Variants in CTNNA3 observed in about 807,000 individuals in gnomAD.
CTNNA3 encodes the protein catenin alpha 3.
A neutral mutation model predicts 95.7 loss-of-function variants in CTNNA3; 76 were observed. The ratio of observed to expected loss-of-function variants is 0.79; its 90% CI spans 0.66 to 0.96. The LOEUF is 0.96. CTNNA3 is among the 40% of genes least tolerant of loss of function. The probability of loss-of-function intolerance (pLI) is 0.00; values close to 1 mark genes in which losing one functional copy is unlikely to be tolerated. For synonymous variants in CTNNA3, 431 were observed against 374.4 expected (o/e 1.15, Z -1.74); for missense variants, 1,191 against 1,089.8 (o/e 1.09, Z -1.31).
intron 10 of CTNNA3, among the ~76,000 whole-genome samples, chr10:66,537,277 A>C (rs1016544684): frequency 8.5e-5 from 13 of 152,170 alleles, no homozygotes; most frequent in Non-Finnish European, 1.8e-4. Flanking sequence ...TCAGGATTGC[A>C]ATTACAGTCA....
intron 5 of CTNNA3, among the ~76,000 whole-genome samples, chr10:67,355,616 A>G (rs1425899938): frequency 6.7e-6 from 1 of 150,326 alleles, no homozygotes; most frequent in Non-Finnish European, 1.5e-5. Context: ...GCCTGACAAG[A>G]AGTCAAGCAA....
Position 67,306,416 on chromosome 10 carries a change from T to C in CTNNA3, c.580-86546A>G, listed in dbSNP as rs940462798. 1.1e-4 allele frequency among the ~76,000 whole-genome samples: 17 copies of C among 152,234 alleles called. No individual in the cohort carries two copies. In the South Asian group the frequency reaches 3.5e-3, roughly 32 times the overall value. ...CAATAAAGTTATGCAAGTTGCAAGATAGGTGATTGAAGAAGAGCTCTTTAT... is the reference window on the plus strand; with the variant it reads ...CAATAAAGTTATGCAAGTTGCAAGACAGGTGATTGAAGAAGAGCTCTTTAT... On this transcript the variant is annotated intron_variant, in intron 5 of 17. Transcript: ENST00000433211.
rs752574565 is a variant in CTNNA3 at position 66,280,526 on chromosome 10, A to C, written c.1828T>G (p.Ser610Ala). 1.2e-6 allele frequency: 2 copies of C among 1,609,938 alleles called. No homozygotes were observed. The highest frequency in any genetic ancestry group is 1.7e-6 in the Non-Finnish European group (2 of 1,177,972). The change falls in exon 13 of 18, where the codon TCA (serine) becomes GCA (alanine). Residue 610 changes from serine to alanine, a missense_variant. Physicochemically the swap from Ser to Ala is moderately conservative, Grantham distance 99. Coordinates refer to ENST00000433211, the MANE Select transcript of CTNNA3 (RefSeq NM_013266.4). The part of the protein sequence containing the change: ...VLDDNQFVDI[S>A]KKIYDTIHDI... ...TGAATTGTATCATAGATCTTCTTTG[A>C]GATGTCCACAAATTGATTATCATCC...
At chr10:66,227,418 C>T (rs75977657) in intron 13 of CTNNA3, among the ~76,000 whole-genome samples, 9,275 of 147,612 alleles carry the variant, frequency 0.063, 381 homozygotes, top group Non-Finnish European at 0.097. Flanking sequence ...TTATCAAATG[C>T]TTTTTCTGCC....
intron 10 of CTNNA3, among the ~76,000 whole-genome samples, chr10:66,609,125 T>C (rs1287524365): frequency 6.6e-6 from 1 of 151,794 alleles, no homozygotes; most frequent in Non-Finnish European, 1.5e-5. Context: ...AGTGGTGTGA[T>C]CTCAGCTCAC....
intron 13 of CTNNA3, among the ~76,000 whole-genome samples, chr10:66,272,355 G>A (rs1329134949): frequency 6.6e-6 from 1 of 152,030 alleles, no homozygotes; most frequent in Admixed American, 6.6e-5. Context: ...AAGCTATGAA[G>A]TCTTTGTACA....
chr10:67,208,505 A>C (rs1864005566), intron 6 of CTNNA3, among the ~76,000 whole-genome samples: 1 of 152,140 alleles, frequency 6.6e-6, no homozygotes. Flanking sequence ...CTAACATCAA[A>C]ATCAGTGACC....
chr10:66,337,894 T>C (rs2092413452), intron 12 of CTNNA3, among the ~76,000 whole-genome samples: 1 of 152,012 alleles, frequency 6.6e-6, no homozygotes, highest in African/African-American at 2.4e-5. Flanking sequence ...AGCAATTTCA[T>C]TCCTAGGTAT....
intron 13 of CTNNA3, among the ~76,000 whole-genome samples, chr10:66,125,654 G>A (rs1005590412): frequency 4.6e-5 from 7 of 152,180 alleles, no homozygotes; most frequent in African/African-American, 1.7e-4. Context: ...TTAGAATGGA[G>A]TATTCTTCAT....
intron 13 of CTNNA3, among the ~76,000 whole-genome samples, chr10:66,212,331 T>C (rs147584761): frequency 3.3e-4 from 51 of 152,288 alleles, no homozygotes; most frequent in African/African-American, 1.2e-3. Flanking sequence ...ATAATACTTA[T>C]AGTAATCTGT....
intron 17 of CTNNA3, among the ~76,000 whole-genome samples, chr10:65,935,796 C>T (rs1472374389): frequency 6.6e-6 from 1 of 152,068 alleles, no homozygotes; most frequent in East Asian, 1.9e-4. Context: ...AACATGCATT[C>T]TAGCTTATGG....
At chr10:66,447,329 A>C (rs1318558801) in intron 11 of CTNNA3, among the ~76,000 whole-genome samples, 2 of 151,106 alleles carry the variant, frequency 1.3e-5, no homozygotes, top group Admixed American at 1.3e-4. Context: ...AACTACTTTA[A>C]AGGTCATATG....
chr10:67,151,643 T>A (rs1014251664), intron 7 of CTNNA3, among the ~76,000 whole-genome samples: 16 of 152,180 alleles, frequency 1.1e-4, no homozygotes, highest in Admixed American at 3.3e-4. Flanking sequence ...AAGGTTTCTG[T>A]AAATCACCAT....
intron 7 of CTNNA3, among the ~76,000 whole-genome samples, chr10:67,088,140 G>C (rs970485714): frequency 1.1e-4 from 16 of 151,424 alleles, no homozygotes; most frequent in Non-Finnish European, 2.1e-4. Flanking sequence ...ATGCCAAATG[G>C]GGAGATAAGA....
chr10:67,253,067 T>C (rs1589089868), intron 5 of CTNNA3, among the ~76,000 whole-genome samples: 1 of 152,318 alleles, frequency 6.6e-6, no homozygotes, highest in East Asian at 1.9e-4. Flanking sequence ...GGAATAACTT[T>C]ATGGGTTCTC....
chr10:66,573,635 C>A (rs1842930519), intron 10 of CTNNA3, among the ~76,000 whole-genome samples: 1 of 152,062 alleles, frequency 6.6e-6, no homozygotes, highest in Non-Finnish European at 1.5e-5. Flanking sequence ...CAATTTTCAG[C>A]AAGATGAATA....
chr10:67,305,806 G>T (rs766097967), intron 5 of CTNNA3, among the ~76,000 whole-genome samples: 4 of 152,158 alleles, frequency 2.6e-5, no homozygotes, highest in Non-Finnish European at 5.9e-5. Flanking sequence ...AGCTAGAAGA[G>T]ATATCAGTGG....
chr10:66,187,167 C>T (rs2086390519), intron 13 of CTNNA3, among the ~76,000 whole-genome samples: 1 of 152,032 alleles, frequency 6.6e-6, no homozygotes, highest in Admixed American at 6.6e-5. Flanking sequence ...TTGGCTTGTT[C>T]CCTGGAAAAT....
At chr10:65,966,814 T>C in intron 16 of CTNNA3, 68 bp from the exon 17 acceptor site, 1 of 1,273,714 alleles carries the variant, frequency 7.9e-7, no homozygotes, top group East Asian at 2.4e-5. Flanking sequence ...GGTGAGTAAA[T>C]ACAGTATTCA....
Sources: allele counts gnomAD v4.1 joint callset (sites outside exome capture counted in the v4.1 genomes callset), GRCh38; gene constraint gnomAD v4.1.1; transcripts MANE v1.5; gene names NCBI Gene and HGNC (gene_info 2026-07-23, HGNC 2026-07-21).